The following COL27A1 variants were observed in gnomAD, a reference collection of about 807,000 sequenced individuals.
The protein encoded by COL27A1 is collagen type XXVII alpha 1 chain.
COL27A1 carries 106 observed loss-of-function variants against 251.3 expected under a neutral mutation model. That is an observed-to-expected ratio of 0.42 (90% CI 0.36 to 0.50). The LOEUF is 0.50. COL27A1 is among the 20% of genes least tolerant of loss of function. The pLI, the probability that COL27A1 is intolerant of heterozygous loss-of-function variation, is 0.00. For missense variants in COL27A1, 2,325 were observed against 2,522.8 expected, an observed-to-expected ratio of 0.92 and a Z score of 1.68; for synonymous variants, 1,000 against 986.3, an observed-to-expected ratio of 1.01 and a Z score of -0.26.
rs1848992758 is a variant in COL27A1, at chr9:114,167,760, C to A, written c.205C>A (p.Pro69Thr). The A allele has an allele frequency of 2.5e-6, 4 of 1,613,852 alleles. No individual in the cohort carries two copies. In the Admixed American group the frequency reaches 5.0e-5, roughly 20 times the overall value. The change falls in exon 3 of 61, where the codon CCT becomes ACT. Residue 69 changes from proline (P) to threonine (T), a missense_variant. Around this residue, in one of 4 missense-constraint regions of COL27A1, gnomAD observed 1,183 missense variants for 1,144.1 expected, o/e 1.03. Coordinates refer to ENST00000356083, the MANE Select transcript of COL27A1 (RefSeq NM_032888.4). ...GAGCCCTGCACCCCCGGGAGTCATT[C>A]CTTTCCAGTCGGGCTTCATCTTTAC... ...AGSPAPPGVIPFQSGFIFTQR... is the reference protein window; with the variant it reads ...AGSPAPPGVITFQSGFIFTQR...
intron 5 of COL27A1, among the ~76,000 whole-genome samples, chr9:114,185,125 G>A (rs762927528): frequency 3.3e-5 from 5 of 152,194 alleles, no homozygotes; most frequent in Non-Finnish European, 5.9e-5. Context: ...GGGCCTGCCA[G>A]CTGTTTCTCC....
intron 37 of COL27A1, among the ~76,000 whole-genome samples, chr9:114,281,502 A>G (rs1186431588): frequency 1.3e-5 from 2 of 151,976 alleles, no homozygotes; most frequent in Admixed American, 1.3e-4. Context: ...TGGCCTGGGG[A>G]CTCCAAGGAA....
intron 35 of COL27A1, among the ~76,000 whole-genome samples, chr9:114,269,518 G>A (rs1834977875): frequency 6.6e-6 from 1 of 150,412 alleles, no homozygotes; most frequent in Admixed American, 6.7e-5. Flanking sequence ...GGGGGGCTGA[G>A]GCAGGAGAAT....
At chr9:114,227,083 G>C (rs986883780) in intron 14 of COL27A1, among the ~76,000 whole-genome samples, 16 of 152,172 alleles carry the variant, frequency 1.1e-4, no homozygotes, top group Admixed American at 9.2e-4. Flanking sequence ...GGGTCGGGGA[G>C]ATATGTCAGT....
At chr9:114,167,339 G>T (rs1848956246) in intron 2 of COL27A1, among the ~76,000 whole-genome samples, 1 of 152,168 alleles carries the variant, frequency 6.6e-6, no homozygotes, top group African/African-American at 2.4e-5. Flanking sequence ...CTGAGGTTGG[G>T]ACTGTTACTA....
At chr9:114,301,384 G>A (rs1828617867) in intron 53 of COL27A1, 61 bp from the exon 54 acceptor site, 1 of 1,612,442 alleles carries the variant, frequency 6.2e-7, no homozygotes. Context: ...TGGGCTCCCA[G>A]AGTTGGGCCA....
chr9:114,240,626 C>A, intron 21 of COL27A1, 139 bp downstream of exon 21: 2 of 733,558 alleles, frequency 2.7e-6, no homozygotes, highest in Non-Finnish European at 4.4e-6. Context: ...CCCAGACTTA[C>A]CCACCAGCTC....
chr9:114,208,399 C>T (rs945415193), intron 10 of COL27A1, among the ~76,000 whole-genome samples: 3 of 151,894 alleles, frequency 2.0e-5, no homozygotes, highest in Non-Finnish European at 2.9e-5. Context: ...CAGTAAGCCA[C>T]GATCGCACCA....
At chr9:114,193,430 G>T (rs1265359877) in intron 5 of COL27A1, among the ~76,000 whole-genome samples, 1 of 152,134 alleles carries the variant, frequency 6.6e-6, no homozygotes, top group African/African-American at 2.4e-5. Flanking sequence ...TGCCTCTGAT[G>T]GGGGACTCAC....
chr9:114,157,767 C>T (rs935330859), intron 1 of COL27A1, among the ~76,000 whole-genome samples: 3 of 152,180 alleles, frequency 2.0e-5, no homozygotes, highest in South Asian at 2.1e-4. Context: ...CAGGCAGGCT[C>T]GAGTTTGAAT....
At chr9:114,289,002 A>T in intron 44 of COL27A1, 35 bp downstream of exon 44, 1 of 1,610,922 alleles carries the variant, frequency 6.2e-7, no homozygotes, top group Admixed American at 1.7e-5. Context: ...CCTGCCTCCC[A>T]CCCTGAGTGG....
chr9:114,309,867 A>G (rs1376186051), intron 60 of COL27A1, among the ~76,000 whole-genome samples: 2 of 152,244 alleles, frequency 1.3e-5, no homozygotes, highest in African/African-American at 2.4e-5. Context: ...AGGGGAAGAC[A>G]GAAAGTTGAG....
Position 114,169,534 on chromosome 9 carries a change from C to A in COL27A1, c.1908+71C>A, listed in dbSNP as rs1827019559. On this transcript the variant is annotated intron_variant, in intron 3 of 60. Coordinates refer to ENST00000356083, the MANE Select transcript of COL27A1 (RefSeq NM_032888.4). ...GACTGGGGCATTGGTCAAGTGGTTG[C>A]CCCTAGTAAAGACAGGAAAAGGAGC... The A allele has an allele frequency of 6.3e-6, 8 of 1,279,722 alleles. No individual in the cohort carries two copies. The Admixed American group carries it at 1.8e-4, about 30-fold the overall frequency. 79.3% of individuals were successfully genotyped at this position (1,279,722 alleles called of 1,614,324 possible).
intron 56 of COL27A1, among the ~76,000 whole-genome samples, chr9:114,303,770 C>T (rs142783263): frequency 9.2e-5 from 14 of 152,300 alleles, no homozygotes; most frequent in South Asian, 4.1e-4. Flanking sequence ...GGCAAGACCA[C>T]GGCTATGTCT....
At chr9:114,184,684 G>A (rs529704447) in intron 5 of COL27A1, among the ~76,000 whole-genome samples, 8 of 152,346 alleles carry the variant, frequency 5.3e-5, no homozygotes, top group Admixed American at 2.0e-4. Flanking sequence ...TGCGTTTGAT[G>A]TGGCTTGTCT....
intron 27 of COL27A1, 93 bp from the exon 28 acceptor site, chr9:114,258,448 C>A: frequency 7.8e-7 from 1 of 1,276,520 alleles, no homozygotes; most frequent in Non-Finnish European, 1.1e-6. Context: ...CTGAGGGCTG[C>A]AGGCCTTCAA....
At position 114,213,071 on chromosome 9, in the gene COL27A1, G is replaced by T. The variant is rs952982482; in HGVS notation, c.2367+2045G>T. On this transcript the variant is annotated intron_variant, in intron 12 of 60. Coordinates refer to ENST00000356083, the MANE Select transcript of COL27A1 (RefSeq NM_032888.4). The stretch of plus-strand genomic sequence containing the variant: ...GCTTCTCGGAGAGGTAAATGATTAG[G>T]TCAAGGTCACATGGCTGCTCAGTGT... Among the ~76,000 whole-genome samples the T allele has an allele frequency of 2.0e-5, 3 of 152,294 alleles. No individual in the cohort carries two copies. The South Asian group carries it at 6.2e-4, about 32-fold the overall frequency.
chr9:114,291,852 G>T (rs1237383057), intron 48 of COL27A1, among the ~76,000 whole-genome samples: 1 of 152,190 alleles, frequency 6.6e-6, no homozygotes, highest in Non-Finnish European at 1.5e-5. Context: ...CAATAAGGAG[G>T]AGAGGAATTG....
At chr9:114,232,489 T>G (rs141779396) in intron 16 of COL27A1, among the ~76,000 whole-genome samples, 41 of 152,298 alleles carry the variant, frequency 2.7e-4, no homozygotes, top group Non-Finnish European at 4.0e-4. Context: ...CCAGCACTTG[T>G]GCCCTGCTCT....
Sources: gnomAD v4.1 joint callset for allele counts (sites outside exome capture counted in the v4.1 genomes callset) on GRCh38, gnomAD v4.1.1 for gene constraint, gnomAD v4.1.1 regional missense constraint, MANE v1.5 for transcripts, NCBI Gene and HGNC (gene_info 2026-07-23, HGNC 2026-07-21) for gene names.